ACADM: variants seen among roughly 807,000 people sequenced by gnomAD.
ACADM encodes acyl-CoA dehydrogenase medium chain.
In ACADM, 49 loss-of-function variants were observed where a neutral mutation model predicts 58.9. That is an observed-to-expected ratio of 0.83 (90% CI 0.66 to 1.06). The LOEUF (loss-of-function observed/expected upper bound fraction) is 1.06. Ranked by LOEUF, ACADM falls within the 50% of genes least tolerant of loss-of-function variation. The pLI, the probability that ACADM is intolerant of heterozygous loss-of-function variation, is 0.00. For missense variants in ACADM, 496 were observed against 507.0 expected, an observed-to-expected ratio of 0.98 and a Z score of 0.21; for synonymous variants, 160 against 157.7, an observed-to-expected ratio of 1.01 and a Z score of -0.11.
chr1:75,728,100 AGTG>A (rs1453932172), intron 1 of ACADM, among the ~76,000 whole-genome samples: 2 of 152,170 alleles, frequency 1.3e-5, no homozygotes, highest in Non-Finnish European at 2.9e-5. Flanking sequence ...TACCCAGAAT[AGTG>A]GTCCTACATC....
At chr1:75,750,626 C>A in intron 10 of ACADM, 80 bp downstream of exon 10, 2 of 929,818 alleles carry the variant, frequency 2.2e-6, no homozygotes, top group South Asian at 2.8e-5. Context: ...TTTTAAACCA[C>A]AAACTAATCA....
intron 7 of ACADM, chr1:75,743,709 C>G: frequency 1.3e-6 from 2 of 1,494,908 alleles, no homozygotes; most frequent in Non-Finnish European, 9.3e-7. Flanking sequence ...CAAATTCATT[C>G]TTTCGGGCCT....
At chr1:75,744,043 A>C in intron 7 of ACADM, 1 of 1,584,326 alleles carries the variant, frequency 6.3e-7, no homozygotes. Context: ...CAGCATTGGC[A>C]CATGTATTCT....
intron 7 of ACADM, chr1:75,744,488 C>G: frequency 6.5e-7 from 1 of 1,536,782 alleles, no homozygotes; most frequent in South Asian, 1.1e-5. Flanking sequence ...TCTTCTGCAA[C>G]TGTGTCTCCA....
At chr1:75,733,661 A>T in intron 5 of ACADM, 33 bp downstream of exon 5, 5 of 1,508,578 alleles carry the variant, frequency 3.3e-6, no homozygotes, top group Non-Finnish European at 4.6e-6. Context: ...TACCTAACTC[A>T]GCTCTTGTTA....
intron 1 of ACADM, 70 bp downstream of exon 1, chr1:75,724,887 G>A: frequency 1.5e-6 from 2 of 1,340,788 alleles, no homozygotes; most frequent in Non-Finnish European, 9.7e-7. Context: ...GGGGGCCCTG[G>A]GCCAAAAATA....
At chr1:75,755,313 AAGT>A (rs1648439138) in intron 10 of ACADM, among the ~76,000 whole-genome samples, 1 of 152,206 alleles carries the variant, frequency 6.6e-6, no homozygotes, top group Non-Finnish European at 1.5e-5. Flanking sequence ...CTGCCTCCTC[AAGT>A]GGGTCCCTGA....
chr1:75,726,058 C>T (rs932780304), intron 1 of ACADM, among the ~76,000 whole-genome samples: 1 of 152,156 alleles, frequency 6.6e-6, no homozygotes, highest in African/African-American at 2.4e-5. Context: ...GCACTTTGTT[C>T]TATGTAACAT....
intron 5 of ACADM, among the ~76,000 whole-genome samples, chr1:75,733,963 G>C (rs1399812164): frequency 2.0e-5 from 3 of 152,104 alleles, no homozygotes; most frequent in Non-Finnish European, 2.9e-5. Context: ...GATTGGGATG[G>C]TTTGCTGCCA....
chr1:75,743,839 T>C (rs576619647), intron 7 of ACADM: 1 of 1,405,690 alleles, frequency 7.1e-7, no homozygotes, highest in Admixed American at 1.7e-5. Context: ...GTCAATATAA[T>C]CCCTATATAC....
intron 10 of ACADM, among the ~76,000 whole-genome samples, chr1:75,759,604 T>A (rs573868850): frequency 3.9e-5 from 6 of 151,976 alleles, no homozygotes; most frequent in Non-Finnish European, 7.4e-5. Context: ...CTTTCCTCTG[T>A]CTTGGTATCT....
In ACADM at chr1:75,754,338, G is replaced by A. The variant is rs577312682; in HGVS notation, c.945+3792G>A. ...TTCTCCTGCCTCAGCCTCCCGAGTA[G>A]CTGGGTTTACAGGTGCCCGCAACTG... On this transcript the variant is annotated intron_variant, in intron 10 of 11. Transcript: ENST00000370841. Among the ~76,000 whole-genome samples, 9 of 151,734 alleles carry A rather than the reference G, an allele frequency of 5.9e-5. No individual in the cohort carries two copies. The East Asian group carries it at 1.8e-3, about 30-fold the overall frequency.
At position 75,753,795 on chromosome 1, in the gene ACADM, C is replaced by CTTTTTT. The variant is rs71071962; in HGVS notation, c.945+3263_945+3268dup. 1.7e-4 allele frequency among the ~76,000 whole-genome samples: 14 copies of CTTTTTT among 81,896 alleles called. 1 individual carries two copies. Among genetic ancestry groups the CTTTTTT allele is most frequent in the African/African-American group, 4.3e-4 (7 of 16,464 alleles). 53.7% of individuals were successfully genotyped at this position (81,896 alleles called of 152,430 possible). ...GCACTCTGCAAAATGCTGATAGCTT[C>CTTTTTT]TTTTTTTTTTTTTTTTTTTGAGACA... On this transcript the variant is annotated intron_variant, in intron 10 of 11. Transcript: ENST00000370841.
Position 75,747,371 on chromosome 1 carries a change from C to T in ACADM, c.708+1457C>T, listed in dbSNP as rs1415678026. Among the ~76,000 whole-genome samples the T allele has an allele frequency of 3.3e-5, 5 of 152,090 alleles. No homozygotes were observed. The South Asian group carries it at 1.0e-3, about 32-fold the overall frequency. ...GGGATACAGTATGGATCAAAATAGA[C>T]AAAAATCCCTGGCCTTAGGTAAATT... is the stretch of plus-strand genomic sequence containing the variant. On this transcript the variant is annotated intron_variant, in intron 8 of 11. Transcript: ENST00000370841.
intron 2 of ACADM, 85 bp from the exon 3 acceptor site, chr1:75,732,559 A>G (rs1647164343): frequency 9.1e-7 from 1 of 1,104,262 alleles, no homozygotes; most frequent in African/African-American, 1.5e-5. Context: ...AGTCCCCACA[A>G]TAAATACACA....
chr1:75,734,505 T>G, intron 5 of ACADM: 1 of 380,042 alleles, frequency 2.6e-6, no homozygotes, highest in South Asian at 2.2e-5. Flanking sequence ...TGATCATACA[T>G]ACTGTGTCAC....
At chr1:75,725,034 C>G (rs549331335) in intron 1 of ACADM, among the ~76,000 whole-genome samples, 5 of 152,244 alleles carry the variant, frequency 3.3e-5, no homozygotes, top group South Asian at 2.1e-4. Flanking sequence ...TCAGGCGACC[C>G]CGTTATAGCC....
rs1306819444 is a variant in ACADM, at chr1:75,733,709, AG to A, written c.387+82del. 5 of 1,188,368 alleles carry A rather than the reference AG, an allele frequency of 4.2e-6. No homozygotes were observed. The African/African-American group carries it at 7.7e-5, about 18-fold the overall frequency. The allele number at this position is 1,188,368 out of a possible 1,614,324, so 73.6% of individuals were successfully genotyped here. ...CTCCTGAAGAAGTTGGATTTTTAGA[AG>A]AAAAAAAAAGGAAAGTCAGTTACTA... On this transcript the variant is annotated intron_variant, in intron 5 of 11. Coordinates refer to ENST00000370841, the MANE Select transcript of ACADM (RefSeq NM_000016.6).
Position 75,740,122 on chromosome 1 carries a change from A to C in ACADM, c.599+12A>C. 6.2e-7 allele frequency: 1 copy of C among 1,606,128 alleles called. No homozygotes were observed. Among genetic ancestry groups the C allele is most frequent in the South Asian group, 1.1e-5 (1 of 90,700 alleles). On this transcript the variant is annotated intron_variant, in intron 7 of 11. Transcript: ENST00000370841. ...GGAAAAGCTAATTGGTATGTTGTTC[A>C]AAACATCTTTGTATATTTTTTCTTA... is the stretch of plus-strand genomic sequence containing the variant.
Sources: allele counts gnomAD v4.1 joint callset (sites outside exome capture counted in the v4.1 genomes callset), GRCh38; gene constraint gnomAD v4.1.1; transcripts MANE v1.5; gene names NCBI Gene and HGNC (gene_info 2026-07-23, HGNC 2026-07-21).